The following APBA2 variants were observed in gnomAD, a reference collection of about 807,000 sequenced individuals.
APBA2 encodes amyloid-beta A4 precursor protein-binding family A member 2.
APBA2 carries 30 observed loss-of-function variants against 75.0 expected under a neutral mutation model. The observed-to-expected ratio is 0.40, with a 90% CI of 0.30 to 0.54. The LOEUF (loss-of-function observed/expected upper bound fraction) is 0.54. Among genes scored for constraint, APBA2 ranks in the 20% least tolerant of loss-of-function variants. The pLI is 0.49. For missense variants in APBA2, 801 were observed against 1,016.1 expected (o/e 0.79, Z 2.88); for synonymous variants, 444 against 409.6 (o/e 1.08, Z -1.01).
chr15:29,075,094 A>T (rs1198462210), intron 5 of APBA2, 93 bp downstream of exon 5: 6 of 974,606 alleles, frequency 6.2e-6, no homozygotes, highest in South Asian at 5.5e-5. Flanking sequence ...TTTGTCCATG[A>T]TGTTCTCATC....
At chr15:28,923,662 G>C (rs1320002566) in intron 2 of APBA2, among the ~76,000 whole-genome samples, 3 of 152,170 alleles carry the variant, frequency 2.0e-5, no homozygotes, top group East Asian at 1.9e-4. Context: ...TATGGAACAC[G>C]TGGTGCCCTT....
chr15:28,995,826 G>A lies in APBA2; in HGVS notation c.-41+20G>A, dbSNP rs1266416017. 5 of 152,296 alleles carry A rather than the reference G, an allele frequency of 3.3e-5. No individual in the cohort carries two copies. Among genetic ancestry groups the A allele is most frequent in the East Asian group, 3.9e-4 (2 of 5,182 alleles). The allele number at this position is 152,296 out of a possible 1,614,324, so 9.4% of individuals were successfully genotyped here. ...TTTTAGGTAAGAAATACAAGGCAGC[G>A]TTGCATGGAATGAGGTTTTGCTTTT... On this transcript the variant is annotated intron_variant, in intron 3 of 14. Transcript: ENST00000683413.
intron 1 of APBA2, among the ~76,000 whole-genome samples, chr15:28,888,456 C>T (rs958192727): frequency 1.3e-5 from 2 of 152,090 alleles, no homozygotes; most frequent in Non-Finnish European, 2.9e-5. Flanking sequence ...GGGGGTTGAG[C>T]CTGGCTTCAG....
rs573016522 is a variant in APBA2, at chr15:29,007,248, CA to C, written c.-41+11445del. Among the ~76,000 whole-genome samples, 37 of 152,234 alleles carry C rather than the reference CA, an allele frequency of 2.4e-4. No individual in the cohort carries two copies. The South Asian group carries it at 6.8e-3, about 28-fold the overall frequency. Reference sequence around the variant, plus strand: ...ATACAAAAATCAACTCAAAATAGATCAAAGACCTGAACATAAGAGCTGAGAC... The same window carrying C: ...ATACAAAAATCAACTCAAAATAGATCAAGACCTGAACATAAGAGCTGAGAC... On this transcript the variant is annotated intron_variant, in intron 3 of 14. Coordinates refer to ENST00000683413, the MANE Select transcript of APBA2 (RefSeq NM_001353788.2).
At chr15:29,092,968 GC>G in intron 6 of APBA2, 106 bp from the exon 7 acceptor site, 1 of 1,455,212 alleles carries the variant, frequency 6.9e-7, no homozygotes, top group Non-Finnish European at 9.6e-7. Flanking sequence ...CTTCTAGTTT[GC>G]CCCGCATCCT....
intron 2 of APBA2, among the ~76,000 whole-genome samples, chr15:28,948,679 T>C (rs1313880239): frequency 6.6e-6 from 1 of 152,186 alleles, no homozygotes; most frequent in Non-Finnish European, 1.5e-5. Context: ...ACTGTACCTG[T>C]TGTTTTATTA....
intron 3 of APBA2, among the ~76,000 whole-genome samples, chr15:29,034,995 A>G (rs1028176022): frequency 1.3e-5 from 2 of 152,220 alleles, no homozygotes; most frequent in Admixed American, 1.3e-4. Context: ...GATGACTTCC[A>G]CCCACAGGCT....
intron 14 of APBA2, among the ~76,000 whole-genome samples, chr15:29,114,787 GGA>G (rs1390177502): frequency 1.4e-5 from 1 of 73,430 alleles, no homozygotes; most frequent in African/African-American, 2.6e-5. Flanking sequence ...TGCGTGTGGA[GGA>G]GTGTGTGTGT....
At chr15:29,013,302 CAG>C (rs2039496114) in intron 3 of APBA2, among the ~76,000 whole-genome samples, 1 of 106,040 alleles carries the variant, frequency 9.4e-6, no homozygotes, top group East Asian at 3.1e-4. Flanking sequence ...TTTTTTGAGA[CAG>C]AGTCTTGCTC....
At chr15:28,933,836 T>A (rs564126443) in intron 2 of APBA2, among the ~76,000 whole-genome samples, 1 of 152,070 alleles carries the variant, frequency 6.6e-6, no homozygotes, top group Admixed American at 6.5e-5. Flanking sequence ...CCTCAAAGAG[T>A]CCACTATCTG....
chr15:29,093,921 G>C (rs144439601), intron 7 of APBA2, among the ~76,000 whole-genome samples: 1,872 of 152,350 alleles, frequency 0.012, 15 homozygotes, highest in African/African-American at 0.025. Flanking sequence ...ACCCAGGGCA[G>C]TGCTGAGCCC....
chr15:29,101,853 C>T (rs777669163), intron 10 of APBA2, 69 bp downstream of exon 10: 47 of 1,531,784 alleles, frequency 3.1e-5, no homozygotes, highest in Non-Finnish European at 3.8e-5. Flanking sequence ...AGGATCCAGG[C>T]GCTGTGGAAA....
At chr15:28,936,624 G>A (rs2034887979) in intron 2 of APBA2, among the ~76,000 whole-genome samples, 1 of 152,208 alleles carries the variant, frequency 6.6e-6, no homozygotes, top group Non-Finnish European at 1.5e-5. Flanking sequence ...CTCTATCACT[G>A]GCTGTCCCCT....
At chr15:28,995,327 C>T (rs918498914) in intron 2 of APBA2, among the ~76,000 whole-genome samples, 5 of 152,148 alleles carry the variant, frequency 3.3e-5, no homozygotes, top group Admixed American at 6.5e-5. Flanking sequence ...TCACTTTCAT[C>T]GCAGTCCTCT....
At chr15:28,957,383 C>A (rs1053972097) in intron 2 of APBA2, among the ~76,000 whole-genome samples, 1 of 152,148 alleles carries the variant, frequency 6.6e-6, no homozygotes, top group Non-Finnish European at 1.5e-5. Flanking sequence ...CCGGCCTGAG[C>A]TCTTGTTTTC....
At chr15:28,887,687 A>G (rs1008298852) in intron 1 of APBA2, among the ~76,000 whole-genome samples, 7 of 152,102 alleles carry the variant, frequency 4.6e-5, no homozygotes, top group African/African-American at 1.4e-4. Flanking sequence ...GGCCAGGGTG[A>G]CACGGACCTG....
At chr15:28,964,329 CTG>C (rs1264659846) in intron 2 of APBA2, among the ~76,000 whole-genome samples, 3 of 152,116 alleles carry the variant, frequency 2.0e-5, no homozygotes, top group African/African-American at 7.2e-5. Context: ...GGTGTTATCA[CTG>C]TTTTTTATTT....
chr15:28,982,472 A>G (rs150570143), intron 2 of APBA2, among the ~76,000 whole-genome samples: 1 of 152,228 alleles, frequency 6.6e-6, no homozygotes, highest in Non-Finnish European at 1.5e-5. Flanking sequence ...GGTTTGATCT[A>G]GCAGCTTGAC....
At chr15:29,095,170 G>A (rs528225207) in intron 8 of APBA2, among the ~76,000 whole-genome samples, 1 of 152,346 alleles carries the variant, frequency 6.6e-6, no homozygotes, top group Non-Finnish European at 1.5e-5. Context: ...GCTCACGCCT[G>A]TAATCCCAGC....
Sources: gnomAD v4.1 joint callset for allele counts (sites outside exome capture counted in the v4.1 genomes callset) on GRCh38, gnomAD v4.1.1 for gene constraint, MANE v1.5 for transcripts, NCBI Gene and HGNC (gene_info 2026-07-23, HGNC 2026-07-21) for gene names.